Variants in CAPZB observed in about 807,000 individuals in gnomAD.
CAPZB encodes the protein F-actin-capping protein subunit beta.
A neutral mutation model predicts 38.1 loss-of-function variants in CAPZB; 2 were observed. The observed-to-expected ratio is 0.05, with a 90% CI of 0.02 to 0.17. CAPZB has a LOEUF of 0.17. Ranked by LOEUF, CAPZB falls within the 10% of genes least tolerant of loss-of-function variation. The probability of loss-of-function intolerance (pLI) is 1.00; values close to 1 mark genes in which losing one functional copy is unlikely to be tolerated. For missense variants in CAPZB, 161 were observed against 334.2 expected (o/e 0.48, Z 4.04); for synonymous variants, 107 against 127.4 (o/e 0.84, Z 1.08).
intron 4 of CAPZB, among the ~76,000 whole-genome samples, chr1:19,362,029 C>T (rs1484080062): frequency 6.6e-6 from 1 of 152,194 alleles, no homozygotes; most frequent in Admixed American, 6.5e-5. Flanking sequence ...GCCCTGGCCC[C>T]TGCCCATGCC....
intron 2 of CAPZB, among the ~76,000 whole-genome samples, chr1:19,405,106 C>T (rs1570157636): frequency 1.3e-5 from 2 of 152,332 alleles, no homozygotes; most frequent in East Asian, 1.9e-4. Context: ...AGCTCAGCTC[C>T]AAGAGGCATC....
intron 3 of CAPZB, among the ~76,000 whole-genome samples, chr1:19,381,146 G>A (rs898497199): frequency 1.2e-4 from 18 of 152,082 alleles, no homozygotes; most frequent in African/African-American, 3.9e-4. Flanking sequence ...TCCAGCCTGG[G>A]TGACAGAGCA....
At position 19,436,198 on chromosome 1, in the gene CAPZB, C is replaced by T. The variant is rs529393925; in HGVS notation, c.4-16448G>A. ...AACAATTTGGAAGTTTTAAATTTCA[C>T]GCCGTTCTGCGTGATGAAATCTCAT... On this transcript the variant is annotated intron_variant, in intron 1 of 8. Transcript: ENST00000264202. Among the ~76,000 whole-genome samples the T allele has an allele frequency of 2.8e-4, 42 of 152,324 alleles. No homozygotes were observed. In the South Asian group the frequency reaches 8.3e-3, roughly 30 times the overall value.
intron 1 of CAPZB, among the ~76,000 whole-genome samples, chr1:19,437,934 G>A (rs758212423): frequency 3.3e-5 from 5 of 152,170 alleles, no homozygotes; most frequent in African/African-American, 7.2e-5. Context: ...CCTCTAACAC[G>A]AAGGTGGAAA....
chr1:19,430,355 C>CAT (rs1484614120), intron 1 of CAPZB, among the ~76,000 whole-genome samples: 8 of 152,222 alleles, frequency 5.3e-5, no homozygotes, highest in African/African-American at 1.9e-4. Context: ...CGAAATGAGT[C>CAT]ATACTCAGGA....
chr1:19,437,241 C>T (rs909191870), intron 1 of CAPZB, among the ~76,000 whole-genome samples: 4 of 152,130 alleles, frequency 2.6e-5, no homozygotes, highest in African/African-American at 2.4e-5. Context: ...GAAGGCCTTC[C>T]ATGAATATAT....
At chr1:19,387,177 A>C (rs993977833) in intron 2 of CAPZB, among the ~76,000 whole-genome samples, 12 of 152,198 alleles carry the variant, frequency 7.9e-5, no homozygotes, top group African/African-American at 2.4e-4. Context: ...GGGAGCCATA[A>C]AGTTACCCAA....
intron 4 of CAPZB, among the ~76,000 whole-genome samples, chr1:19,364,794 A>T (rs2094074015): frequency 6.6e-6 from 1 of 151,916 alleles, no homozygotes; most frequent in Non-Finnish European, 1.5e-5. Context: ...CACCTAATCC[A>T]TGCTACACAT....
chr1:19,465,225 G>A (rs1047709730), intron 1 of CAPZB, among the ~76,000 whole-genome samples: 1 of 152,130 alleles, frequency 6.6e-6, no homozygotes, highest in African/African-American at 2.4e-5. Flanking sequence ...GAGTTAAGAG[G>A]TGAGGCCTTT....
chr1:19,456,738 G>A lies in CAPZB; in HGVS notation c.3+28698C>T, dbSNP rs142505358. On this transcript the variant is annotated intron_variant, in intron 1 of 8. Transcript: ENST00000264202. ...TCTATTTGGGAAAGGCAAACAGAGC[G>A]GCCGATGGCAGGGGCTGCTCAGATC... Among the ~76,000 whole-genome samples the A allele has an allele frequency of 6.2e-3, 942 of 152,280 alleles. 8 individuals are homozygous for A. The highest frequency in any genetic ancestry group is 7.8e-3 in the Non-Finnish European group (533 of 68,020).
intron 1 of CAPZB, among the ~76,000 whole-genome samples, chr1:19,455,608 C>T (rs1405265248): frequency 6.6e-6 from 1 of 152,166 alleles, no homozygotes; most frequent in South Asian, 2.1e-4. Flanking sequence ...GTCTCTTGAC[C>T]TGGCCTATTT....
At chr1:19,346,134 A>G (rs78660692) in intron 6 of CAPZB, among the ~76,000 whole-genome samples, 6,472 of 152,310 alleles carry the variant, frequency 0.042, 173 homozygotes, top group African/African-American at 0.062. Context: ...CCTGCCTCAT[A>G]ACGCACAGGG....
intron 4 of CAPZB, among the ~76,000 whole-genome samples, chr1:19,367,991 T>C (rs536540422): frequency 2.6e-5 from 4 of 152,270 alleles, no homozygotes; most frequent in East Asian, 1.9e-4. Context: ...AGCTACCTCA[T>C]GAGCCGTCAA....
intron 1 of CAPZB, among the ~76,000 whole-genome samples, chr1:19,477,855 G>C (rs528346769): frequency 6.6e-6 from 1 of 152,180 alleles, no homozygotes; most frequent in Non-Finnish European, 1.5e-5. Context: ...GAGTAGCTGG[G>C]ACCACTGACA....
intron 2 of CAPZB, among the ~76,000 whole-genome samples, chr1:19,418,263 G>A (rs970793352): frequency 6.6e-6 from 1 of 151,792 alleles, no homozygotes; most frequent in African/African-American, 2.4e-5. Flanking sequence ...CTTCCAACAG[G>A]GCAACAAGCA....
chr1:19,412,195 T>C (rs996575563), intron 2 of CAPZB, among the ~76,000 whole-genome samples: 1 of 152,196 alleles, frequency 6.6e-6, no homozygotes, highest in African/African-American at 2.4e-5. Flanking sequence ...CTCAGAAACA[T>C]CAGTCACAAC....
intron 1 of CAPZB, among the ~76,000 whole-genome samples, chr1:19,427,922 T>C (rs1244840269): frequency 1.3e-5 from 2 of 152,236 alleles, no homozygotes; most frequent in Non-Finnish European, 2.9e-5. Flanking sequence ...TTTTGTTTTT[T>C]AAAAACCATG....
intron 6 of CAPZB, among the ~76,000 whole-genome samples, chr1:19,353,418 G>A (rs757127697): frequency 3.3e-5 from 5 of 149,704 alleles, no homozygotes; most frequent in Non-Finnish European, 7.4e-5. Context: ...CATCTTGGTC[G>A]TCCAGCCCCT....
intron 2 of CAPZB, among the ~76,000 whole-genome samples, chr1:19,404,179 G>A (rs1247249692): frequency 6.9e-6 from 1 of 144,712 alleles, no homozygotes; most frequent in Admixed American, 7.2e-5. Context: ...GTTGCAGTGA[G>A]CCAAGATCGT....
Sources: allele counts gnomAD v4.1 joint callset (sites outside exome capture counted in the v4.1 genomes callset), GRCh38; gene constraint gnomAD v4.1.1; transcripts MANE v1.5; gene names NCBI Gene and HGNC (gene_info 2026-07-23, HGNC 2026-07-21).